Variants in ERC2 observed in about 807,000 individuals in gnomAD.
The protein encoded by ERC2 is ELKS/RAB6-interacting/CAST family member 2, also known as ERC protein 2.
ERC2 carries 42 observed loss-of-function variants against 114.8 expected under a neutral mutation model. The observed-to-expected ratio is 0.37, with a 90% confidence interval of 0.29 to 0.47. ERC2 has a LOEUF of 0.47. ERC2 is among the 20% of genes least tolerant of loss of function. ERC2 has a pLI of 0.99. For missense variants in ERC2, 939 were observed against 1,150.7 expected, an observed-to-expected ratio of 0.82 and a Z score of 2.66; for synonymous variants, 454 against 425.5, an observed-to-expected ratio of 1.07 and a Z score of -0.82.
rs550948184 is a variant in ERC2 at position 56,286,707 on chromosome 3, C to T, written c.1074+9312G>A. Among the ~76,000 whole-genome samples, 16 of 151,850 alleles carry T rather than the reference C, an allele frequency of 1.1e-4. No homozygotes were observed. In the South Asian group the frequency reaches 2.3e-3, roughly 22 times the overall value. ...ATAAAGGGTACTATATACGTACTTA[C>T]GTAATCCTTTCAAATGTAATCATTT... is the stretch of plus-strand genomic sequence containing the variant. On this transcript the variant is annotated intron_variant, in intron 3 of 17. Transcript: ENST00000288221.
intron 16 of ERC2, among the ~76,000 whole-genome samples, chr3:55,687,811 T>A (rs1371267621): frequency 3.9e-5 from 6 of 152,212 alleles, no homozygotes; most frequent in African/African-American, 7.2e-5. Context: ...CCAAAGCAGA[T>A]GCTGTTAGCA....
chr3:55,882,412 A>G (rs2063156208), intron 14 of ERC2, among the ~76,000 whole-genome samples: 1 of 152,160 alleles, frequency 6.6e-6, no homozygotes, highest in African/African-American at 2.4e-5. Flanking sequence ...TTATAGCAAC[A>G]CTAAATGGAC....
chr3:56,112,989 A>C (rs1319107496), intron 6 of ERC2, among the ~76,000 whole-genome samples: 1 of 152,206 alleles, frequency 6.6e-6, no homozygotes, highest in Non-Finnish European at 1.5e-5. Flanking sequence ...AATATAAAAA[A>C]AATCAGAAAA....
At chr3:55,804,331 ACATTCCTT>A (rs1456336637) in intron 14 of ERC2, among the ~76,000 whole-genome samples, 1 of 152,064 alleles carries the variant, frequency 6.6e-6, no homozygotes, top group East Asian at 1.9e-4. Context: ...CCCATTAAAC[ACATTCCTT>A]TGGGTCCTCC....
intron 1 of ERC2, among the ~76,000 whole-genome samples, chr3:56,442,259 C>T (rs971061154): frequency 2.6e-5 from 4 of 152,124 alleles, no homozygotes; most frequent in Admixed American, 2.0e-4. Flanking sequence ...TCACTATTGT[C>T]ACCCAGGCTG....
At chr3:55,862,028 T>C (rs2062050327) in intron 14 of ERC2, among the ~76,000 whole-genome samples, 1 of 152,226 alleles carries the variant, frequency 6.6e-6, no homozygotes, top group Non-Finnish European at 1.5e-5. Flanking sequence ...GTTGCAGTGT[T>C]CTCTGCTATG....
chr3:55,621,372 G>C (rs1451352250), intron 17 of ERC2, among the ~76,000 whole-genome samples: 5 of 152,188 alleles, frequency 3.3e-5, no homozygotes, highest in Non-Finnish European at 5.9e-5. Context: ...CTCATGAAAA[G>C]CAAAAGAGGG....
At position 56,305,498 on chromosome 3, in the gene ERC2, C is replaced by T. The variant is rs1219205058; in HGVS notation, c.658-9063G>A. 2.1e-5 allele frequency among the ~76,000 whole-genome samples: 3 copies of T among 143,426 alleles called. No homozygotes were observed. In the East Asian group the frequency reaches 6.3e-4, roughly 30 times the overall value. The allele number at this position is 143,426 out of a possible 152,430, so 94.1% of individuals were successfully genotyped here. A position where few individuals can be genotyped will look rare whatever the true frequency, so the allele number is the denominator to read the frequency against. ...AGCCACAACAAGAAAGCATTTTATACCCCACTCTCTTATCCACACACACAC... is the reference window on the plus strand; with the variant it reads ...AGCCACAACAAGAAAGCATTTTATATCCCACTCTCTTATCCACACACACAC... On this transcript the variant is annotated intron_variant, in intron 2 of 17. Coordinates refer to ENST00000288221, the MANE Select transcript of ERC2 (RefSeq NM_015576.3).
intron 2 of ERC2, among the ~76,000 whole-genome samples, chr3:56,333,026 T>A (rs937385261): frequency 1.3e-5 from 2 of 152,244 alleles, no homozygotes; most frequent in Non-Finnish European, 2.9e-5. Context: ...TAAACTTTTT[T>A]AGTTCATGCT....
intron 14 of ERC2, among the ~76,000 whole-genome samples, chr3:55,868,270 C>T (rs542637734): frequency 3.7e-4 from 57 of 152,328 alleles, no homozygotes; most frequent in African/African-American, 1.3e-3. Context: ...CTACAACAGG[C>T]AGGCTTTTCT....
chr3:55,573,495 C>A (rs2056827876), intron 17 of ERC2, among the ~76,000 whole-genome samples: 1 of 152,144 alleles, frequency 6.6e-6, no homozygotes, highest in Non-Finnish European at 1.5e-5. Context: ...GTGGGGTCTG[C>A]AGCAGCAGCA....
intron 3 of ERC2, among the ~76,000 whole-genome samples, chr3:56,182,158 C>T (rs2083325113): frequency 6.6e-6 from 1 of 152,224 alleles, no homozygotes; most frequent in Admixed American, 6.5e-5. Context: ...TCTAACATTC[C>T]ATACACTCAT....
At chr3:55,816,441 T>G (rs1174103037) in intron 14 of ERC2, among the ~76,000 whole-genome samples, 2 of 152,212 alleles carry the variant, frequency 1.3e-5, no homozygotes, top group African/African-American at 4.8e-5. Flanking sequence ...TTTGGGCATC[T>G]TGAATGAAAG....
At chr3:55,865,143 G>T (rs1219179920) in intron 14 of ERC2, among the ~76,000 whole-genome samples, 1 of 152,104 alleles carries the variant, frequency 6.6e-6, no homozygotes, top group Non-Finnish European at 1.5e-5. Context: ...ATAACATAAT[G>T]ACCCAATTAT....
intron 14 of ERC2, among the ~76,000 whole-genome samples, chr3:55,783,654 G>A (rs1027911617): frequency 1.5e-4 from 23 of 152,154 alleles, no homozygotes; most frequent in African/African-American, 4.3e-4. Context: ...TGGTCTTGAT[G>A]TGCCTATCAT....
chr3:55,838,704 C>T (rs927154665), intron 14 of ERC2, among the ~76,000 whole-genome samples: 3 of 151,708 alleles, frequency 2.0e-5, no homozygotes, highest in African/African-American at 7.2e-5. Flanking sequence ...TCTAGGCATA[C>T]TGACCAAGAA....
At chr3:55,830,182 A>C (rs1452213945) in intron 14 of ERC2, among the ~76,000 whole-genome samples, 1 of 152,228 alleles carries the variant, frequency 6.6e-6, no homozygotes, top group Non-Finnish European at 1.5e-5. Context: ...ACAATGGAAC[A>C]ATTTTTTTAA....
At chr3:56,388,337 T>C (rs1490771017) in intron 2 of ERC2, among the ~76,000 whole-genome samples, 1 of 152,070 alleles carries the variant, frequency 6.6e-6, no homozygotes, top group Non-Finnish European at 1.5e-5. Context: ...TTGTTTAAAA[T>C]AACCTGGAAC....
chr3:56,254,400 C>T (rs2052380091), intron 3 of ERC2, among the ~76,000 whole-genome samples: 1 of 151,230 alleles, frequency 6.6e-6, no homozygotes, highest in Non-Finnish European at 1.5e-5. Flanking sequence ...TGTGTATTTT[C>T]TGACAGGACC....
Sources: allele counts gnomAD v4.1 joint callset (sites outside exome capture counted in the v4.1 genomes callset), GRCh38; gene constraint gnomAD v4.1.1; transcripts MANE v1.5; gene names NCBI Gene and HGNC (gene_info 2026-07-23, HGNC 2026-07-21).